RSPH14: variants seen among roughly 807,000 people sequenced by gnomAD.
RSPH14 encodes radial spoke head 14 homolog.
In RSPH14, 20 loss-of-function variants were observed where a neutral mutation model predicts 26.7. The ratio of observed to expected loss-of-function variants is 0.75; its 90% CI spans 0.53 to 1.09. RSPH14 has a LOEUF of 1.09. RSPH14 is among the 50% of genes least tolerant of loss of function. RSPH14 has a pLI of 0.00. For synonymous variants in RSPH14, 177 were observed against 189.3 expected (o/e 0.93, Z 0.53); for missense variants, 449 against 457.2 (o/e 0.98, Z 0.16).
chr22:23,141,258 G>A (rs1379541965), intron 1 of RSPH14, among the ~76,000 whole-genome samples: 1 of 150,270 alleles, frequency 6.7e-6, no homozygotes, highest in Non-Finnish European at 1.5e-5. Context: ...GAATCAGGGA[G>A]GCGGAGGTTC....
At chr22:23,116,447 G>C (rs764648841) in intron 4 of RSPH14, among the ~76,000 whole-genome samples, 1 of 152,252 alleles carries the variant, frequency 6.6e-6, no homozygotes, top group Non-Finnish European at 1.5e-5. Flanking sequence ...GAGCAGGCCA[G>C]TGTCCCTCCC....
At chr22:23,129,345 G>A (rs1342883372) in intron 4 of RSPH14, among the ~76,000 whole-genome samples, 2 of 152,024 alleles carry the variant, frequency 1.3e-5, no homozygotes, top group Non-Finnish European at 2.9e-5. Context: ...AGTAAACCCC[G>A]CGATGAAGGG....
At chr22:23,129,634 T>C (rs1295484630) in intron 4 of RSPH14, among the ~76,000 whole-genome samples, 1 of 150,994 alleles carries the variant, frequency 6.6e-6, no homozygotes, top group Non-Finnish European at 1.5e-5. Context: ...AATGAAAAAC[T>C]GCTAAGGCTG....
chr22:23,117,142 G>A (rs2069864450), intron 4 of RSPH14, among the ~76,000 whole-genome samples: 1 of 152,138 alleles, frequency 6.6e-6, no homozygotes, highest in Non-Finnish European at 1.5e-5. Flanking sequence ...GGCCAGACCT[G>A]TTACCAGGAA....
At chr22:23,153,562 G>C in the RSPH14 span, 38 of 985,140 alleles carry the variant, frequency 3.9e-5, no homozygotes, top group African/African-American at 5.9e-4. Context: ...TGCATGCCAG[G>C]CTTGGGCAAG....
At chr22:23,072,367 T>G (rs2068401444) in intron 4 of RSPH14, among the ~76,000 whole-genome samples, 1 of 152,168 alleles carries the variant, frequency 6.6e-6, no homozygotes, top group Admixed American at 6.5e-5. Context: ...CCTCATTCTC[T>G]AGGAATGAGG....
At chr22:23,163,606 G>GCTCCC in the RSPH14 span, 5 of 125,228 alleles carry the variant, frequency 4.0e-5, 1 homozygote, top group African/African-American at 1.4e-4. Context: ...CAAGGTGAAA[G>GCTCCC]CCCCCCCCCC....
At chr22:23,085,339 C>T (rs1361161275) in intron 4 of RSPH14, among the ~76,000 whole-genome samples, 2 of 152,218 alleles carry the variant, frequency 1.3e-5, no homozygotes, top group African/African-American at 4.8e-5. Context: ...ACAGACTCAG[C>T]TTGTTCCCCA....
At chr22:23,105,246 C>G (rs1476531209) in intron 4 of RSPH14, among the ~76,000 whole-genome samples, 1 of 152,242 alleles carries the variant, frequency 6.6e-6, no homozygotes, top group African/African-American at 2.4e-5. Context: ...CCCAGAGCCT[C>G]GAAGGCAACT....
intron 4 of RSPH14, among the ~76,000 whole-genome samples, chr22:23,085,269 A>G (rs1429148945): frequency 2.0e-5 from 3 of 152,142 alleles, no homozygotes; most frequent in Non-Finnish European, 4.4e-5. Flanking sequence ...TTTATTTGAA[A>G]TGGCCTGGCT....
chr22:23,143,791 G>T (rs1569199844), upstream of RSPH14, among the ~76,000 whole-genome samples: 1 of 152,160 alleles, frequency 6.6e-6, no homozygotes, highest in Non-Finnish European at 1.5e-5. Context: ...GCCCACTTAA[G>T]AGCTAAAGGA....
intron 4 of RSPH14, chr22:23,095,597 G>A: frequency 7.3e-7 from 1 of 1,368,598 alleles, no homozygotes; most frequent in East Asian, 2.4e-5. Flanking sequence ...TGCCTCCAGG[G>A]CAGCTGGGCT....
At chr22:23,091,325 G>A (rs1433184232) in intron 4 of RSPH14, among the ~76,000 whole-genome samples, 7 of 151,796 alleles carry the variant, frequency 4.6e-5, no homozygotes, top group South Asian at 2.1e-4. Flanking sequence ...CACACATACC[G>A]CAATGGACCT....
the RSPH14 span, among the ~76,000 whole-genome samples, chr22:23,174,210 G>GGT: frequency 1.3e-5 from 2 of 151,900 alleles, no homozygotes; most frequent in Non-Finnish European, 2.9e-5. Context: ...TGCTGCTGAG[G>GGT]GTGTGTGACG....
At chr22:23,134,809 G>A (rs1006436048) in intron 3 of RSPH14, among the ~76,000 whole-genome samples, 21 of 152,164 alleles carry the variant, frequency 1.4e-4, no homozygotes, top group African/African-American at 4.8e-4. Flanking sequence ...AGGTTGCAGT[G>A]ACCTGCAACT....
intron 4 of RSPH14, chr22:23,123,213 C>T: frequency 6.2e-7 from 1 of 1,614,144 alleles, no homozygotes; most frequent in Non-Finnish European, 8.5e-7. Flanking sequence ...CCGCATCCCG[C>T]TCACCATCTG....
At chr22:23,156,466 GCCGGATGCTCACCA>G in the RSPH14 span, among the ~76,000 whole-genome samples, 8 of 152,190 alleles carry the variant, frequency 5.3e-5, no homozygotes, top group Non-Finnish European at 1.0e-4. Flanking sequence ...GGCCAGCAGG[GCCGGATGCTCACCA>G]CTTCCATGGC....
the RSPH14 span, among the ~76,000 whole-genome samples, chr22:23,174,210 GGTGTGTGACGGTGTGT>G: frequency 6.6e-6 from 1 of 151,900 alleles, no homozygotes; most frequent in African/African-American, 2.4e-5. Flanking sequence ...TGCTGCTGAG[GGTGTGTGACGGTGTGT>G]GTGTGTGTTT....
intron 4 of RSPH14, among the ~76,000 whole-genome samples, chr22:23,084,046 G>A (rs1462821343): frequency 6.6e-6 from 1 of 152,156 alleles, no homozygotes; most frequent in Non-Finnish European, 1.5e-5. Flanking sequence ...AGGAGGGAGG[G>A]GTGAGCTATG....
Sources: allele counts gnomAD v4.1 joint callset (sites outside exome capture counted in the v4.1 genomes callset), GRCh38; gene constraint gnomAD v4.1.1; transcripts MANE v1.5; gene names NCBI Gene and HGNC (gene_info 2026-07-23, HGNC 2026-07-21).